SLC44A5: variants seen among roughly 807,000 people sequenced by gnomAD.
The protein encoded by SLC44A5 is solute carrier family 44 member 5.
Under a neutral mutation model 101.8 loss-of-function variants are expected in SLC44A5, and 57 were observed. The observed-to-expected ratio is 0.56, with a 90% CI of 0.45 to 0.70. SLC44A5 has a LOEUF of 0.70. Ranked by LOEUF, SLC44A5 falls within the 30% of genes least tolerant of loss-of-function variation. The probability of loss-of-function intolerance (pLI) is 0.00; values close to 1 mark genes in which losing one functional copy is unlikely to be tolerated. For synonymous variants in SLC44A5, 281 were observed against 290.9 expected (o/e 0.97, Z 0.35); for missense variants, 737 against 853.1 (o/e 0.86, Z 1.70).
intron 2 of SLC44A5, among the ~76,000 whole-genome samples, chr1:75,506,784 A>C (rs1264527543): frequency 1.3e-5 from 2 of 151,428 alleles, no homozygotes; most frequent in Non-Finnish European, 2.9e-5. Flanking sequence ...AAAGAGAGAT[A>C]ATTTGACTTA....
chr1:75,291,432 G>A (rs1282014657), intron 5 of SLC44A5, among the ~76,000 whole-genome samples: 1 of 152,094 alleles, frequency 6.6e-6, no homozygotes, highest in Non-Finnish European at 1.5e-5. Flanking sequence ...ACAGTCTGTT[G>A]GGAGAAATAG....
rs551974353 is a variant in SLC44A5 at position 75,417,659 on chromosome 1, G to A, written c.14-21038C>T. 5.4e-4 allele frequency among the ~76,000 whole-genome samples: 82 copies of A among 152,312 alleles called. No homozygotes were observed. The South Asian group carries it at 0.011, about 20-fold the overall frequency. ...TGAAAGTGTCCTGTGTCATGTTGAC[G>A]TTGGATACATGGGTCTGGAATCCAG... On this transcript the variant is annotated intron_variant, in intron 2 of 23. Coordinates refer to ENST00000370859, the MANE Select transcript of SLC44A5 (RefSeq NM_001130058.2).
At chr1:75,562,885 T>A (rs923970242) in intron 1 of SLC44A5, among the ~76,000 whole-genome samples, 1 of 138,650 alleles carries the variant, frequency 7.2e-6, no homozygotes, top group Non-Finnish European at 1.6e-5. Flanking sequence ...ATCCTCAATA[T>A]GTGAAACAAC....
chr1:75,616,337 A>ACGGTGG, the SLC44A5 span, among the ~76,000 whole-genome samples: 1 of 151,296 alleles, frequency 6.6e-6, no homozygotes, highest in African/African-American at 2.4e-5. Flanking sequence ...TGGAAAGACA[A>ACGGTGG]CGGTGGCGGC....
chr1:75,394,831 C>A (rs1041480524), intron 3 of SLC44A5, among the ~76,000 whole-genome samples: 4 of 151,934 alleles, frequency 2.6e-5, no homozygotes, highest in African/African-American at 9.7e-5. Context: ...AAATCCAAGG[C>A]CTGTTTATCC....
rs1428392679 is a variant in SLC44A5 at position 75,398,661 on chromosome 1, T to A, written c.14-2040A>T. ...TCTCCATCTCCCAGGCTAAATTCCA[T>A]ACAGTATAGTTTTGACTCCTCTTTC... On this transcript the variant is annotated intron_variant, in intron 2 of 23. Coordinates refer to ENST00000370859, the MANE Select transcript of SLC44A5 (RefSeq NM_001130058.2). Among the ~76,000 whole-genome samples, 6 of 152,252 alleles carry A rather than the reference T, an allele frequency of 3.9e-5. No homozygotes were observed. In the East Asian group the frequency reaches 9.6e-4, roughly 24 times the overall value.
chr1:75,401,868 A>C (rs1557746791), intron 2 of SLC44A5, among the ~76,000 whole-genome samples: 1 of 152,210 alleles, frequency 6.6e-6, no homozygotes, highest in Non-Finnish European at 1.5e-5. Flanking sequence ...TGGAAACAAA[A>C]CAAAACTCAT....
intron 2 of SLC44A5, among the ~76,000 whole-genome samples, chr1:75,484,643 G>A (rs1433742852): frequency 1.3e-5 from 2 of 152,164 alleles, no homozygotes; most frequent in Non-Finnish European, 2.9e-5. Flanking sequence ...AGCTCCCCTA[G>A]GCAACATTGC....
chr1:75,320,162 C>T (rs1339763566), intron 4 of SLC44A5, among the ~76,000 whole-genome samples: 1 of 152,010 alleles, frequency 6.6e-6, no homozygotes, highest in Non-Finnish European at 1.5e-5. Flanking sequence ...TACACAGAAG[C>T]GTACATTTAA....
chr1:75,671,278 C>T, the SLC44A5 span, among the ~76,000 whole-genome samples: 4 of 152,118 alleles, frequency 2.6e-5, no homozygotes, highest in Non-Finnish European at 5.9e-5. Flanking sequence ...CTCATTTTCA[C>T]ATAAAAACAG....
intron 3 of SLC44A5, among the ~76,000 whole-genome samples, chr1:75,388,503 A>G (rs1333215718): frequency 6.6e-6 from 1 of 152,132 alleles, no homozygotes; most frequent in African/African-American, 2.4e-5. Context: ...CATATCGTCC[A>G]TGTGCAGTGG....
chr1:75,559,582 A>G (rs1441641194), intron 1 of SLC44A5, among the ~76,000 whole-genome samples: 2 of 152,190 alleles, frequency 1.3e-5, no homozygotes, highest in Non-Finnish European at 2.9e-5. Flanking sequence ...CAAGATTTTT[A>G]TATGCACTGT....
At chr1:75,544,571 A>G (rs1414169819) in intron 1 of SLC44A5, among the ~76,000 whole-genome samples, 1 of 152,222 alleles carries the variant, frequency 6.6e-6, no homozygotes, top group Non-Finnish European at 1.5e-5. Flanking sequence ...CTTGCAGATT[A>G]TGTCCCTTTA....
chr1:75,221,958 TTC>T lies in SLC44A5; in HGVS notation c.1085+401_1085+402del, dbSNP rs1491311416. Among the ~76,000 whole-genome samples, 176 of 130,596 alleles carry T rather than the reference TTC, an allele frequency of 1.3e-3. 7 individuals are homozygous for T. The highest frequency in any genetic ancestry group is 2.1e-3 in the African/African-American group (59 of 27,844). The allele number at this position is 130,596 out of a possible 152,430, so 85.7% of individuals were successfully genotyped here. A position where few individuals can be genotyped will look rare whatever the true frequency, so the allele number is the denominator to read the frequency against. ...ATGCTTTCTTTTAAAAGTCTTCTTCTTCTTTTTTTTTTTTTTTTGAGACAGAG... is the reference window on the plus strand; with the variant it reads ...ATGCTTTCTTTTAAAAGTCTTCTTCTTTTTTTTTTTTTTTTTGAGACAGAG... On this transcript the variant is annotated intron_variant, in intron 14 of 23. Coordinates refer to ENST00000370859, the MANE Select transcript of SLC44A5 (RefSeq NM_001130058.2).
At chr1:75,219,755 G>T in intron 15 of SLC44A5, 45 bp downstream of exon 15, 1 of 1,211,404 alleles carries the variant, frequency 8.3e-7, no homozygotes, top group Non-Finnish European at 1.2e-6. Flanking sequence ...TTCACGAGTA[G>T]TCATGTGAAC....
intron 3 of SLC44A5, among the ~76,000 whole-genome samples, chr1:75,388,964 A>C (rs1661599890): frequency 6.6e-6 from 1 of 152,114 alleles, no homozygotes; most frequent in Non-Finnish European, 1.5e-5. Context: ...ATTGCTCCTG[A>C]ATGACTTTTG....
intron 11 of SLC44A5, 22 bp from the exon 12 acceptor site, chr1:75,234,120 C>T: frequency 6.4e-7 from 1 of 1,555,552 alleles, no homozygotes; most frequent in Non-Finnish European, 8.9e-7. Flanking sequence ...CCACAACAAA[C>T]ACAGTGGTCA....
chr1:75,390,163 CA>C (rs1404427702), intron 3 of SLC44A5, among the ~76,000 whole-genome samples: 1 of 151,800 alleles, frequency 6.6e-6, no homozygotes, highest in Non-Finnish European at 1.5e-5. Flanking sequence ...GAGCCAGTAA[CA>C]AAAAATGTAC....
At chr1:75,373,197 T>C (rs1374998540) in intron 3 of SLC44A5, among the ~76,000 whole-genome samples, 1 of 152,000 alleles carries the variant, frequency 6.6e-6, no homozygotes, top group African/African-American at 2.4e-5. Flanking sequence ...GAGTAAACCA[T>C]TATACTTTGA....
Sources: gnomAD v4.1 joint callset for allele counts (sites outside exome capture counted in the v4.1 genomes callset) on GRCh38, gnomAD v4.1.1 for gene constraint, MANE v1.5 for transcripts, NCBI Gene and HGNC (gene_info 2026-07-23, HGNC 2026-07-21) for gene names.